The following THSD7B variants were observed in gnomAD, a reference collection of about 807,000 sequenced individuals.
THSD7B encodes the protein thrombospondin type 1 domain containing 7B, also known as thrombospondin type-1 domain-containing protein 7B.
Under a neutral mutation model 213.6 loss-of-function variants are expected in THSD7B, and 138 were observed. That is an observed-to-expected ratio of 0.65 (90% confidence interval 0.56 to 0.74). THSD7B has a LOEUF of 0.74. Ranked by LOEUF, THSD7B falls within the 30% of genes least tolerant of loss-of-function variation. The probability of loss-of-function intolerance (pLI) is 0.00; values close to 1 mark genes in which losing one functional copy is unlikely to be tolerated. For synonymous variants in THSD7B, 742 were observed against 687.0 expected, an observed-to-expected ratio of 1.08 and a Z score of -1.25; for missense variants, 1,931 against 1,991.5, an observed-to-expected ratio of 0.97 and a Z score of 0.58.
chr2:137,013,666 C>A (rs1235281909), intron 2 of THSD7B, among the ~76,000 whole-genome samples: 3 of 152,092 alleles, frequency 2.0e-5, no homozygotes, highest in African/African-American at 7.2e-5. Context: ...GCACAGAATT[C>A]CCTTTTGGGG....
rs144965626 is a variant in THSD7B at position 136,920,133 on chromosome 2, C to T, written c.139+37816C>T. On this transcript the variant is annotated intron_variant, in intron 2 of 27. Coordinates refer to ENST00000409968, the MANE Select transcript of THSD7B (RefSeq NM_001316349.2). ...TTTCAGCCCTGTTTATGTTACAGCTCTTTCAGTCCTGCCATTCAGCAGGTT... is the reference window on the plus strand; with the variant it reads ...TTTCAGCCCTGTTTATGTTACAGCTTTTTCAGTCCTGCCATTCAGCAGGTT... Among the ~76,000 whole-genome samples the T allele has an allele frequency of 7.2e-5, 11 of 152,370 alleles. No individual in the cohort carries two copies. In the East Asian group the frequency reaches 1.9e-3, roughly 27 times the overall value.
intron 7 of THSD7B, among the ~76,000 whole-genome samples, chr2:137,213,294 T>A (rs966418355): frequency 6.7e-6 from 1 of 149,822 alleles, no homozygotes; most frequent in Non-Finnish European, 1.5e-5. Flanking sequence ...TTGCCAACTT[T>A]CTCCCTCCAT....
intron 15 of THSD7B, among the ~76,000 whole-genome samples, chr2:137,505,465 C>T (rs1319081542): frequency 6.6e-6 from 1 of 152,112 alleles, no homozygotes; most frequent in Admixed American, 6.5e-5. Context: ...CATTGCTGTT[C>T]CATTCACTGG....
intron 3 of THSD7B, among the ~76,000 whole-genome samples, chr2:137,081,762 C>A (rs917298096): frequency 1.3e-5 from 2 of 152,002 alleles, no homozygotes; most frequent in African/African-American, 4.8e-5. Context: ...GCAGTTTTAC[C>A]TGAAGGTAGT....
intron 5 of THSD7B, among the ~76,000 whole-genome samples, chr2:137,159,433 A>T (rs1679970192): frequency 6.6e-6 from 1 of 151,132 alleles, no homozygotes; most frequent in African/African-American, 2.4e-5. Context: ...GTCTCAAAAA[A>T]AAATTAATTA....
chr2:137,674,322 C>T (rs1367296854), intron 27 of THSD7B, among the ~76,000 whole-genome samples: 1 of 143,064 alleles, frequency 7.0e-6, no homozygotes, highest in Non-Finnish European at 1.6e-5. Context: ...AAAAAGAAAA[C>T]CAAGAGAGGT....
At chr2:136,916,895 G>A (rs989281644) in intron 2 of THSD7B, among the ~76,000 whole-genome samples, 2 of 152,134 alleles carry the variant, frequency 1.3e-5, no homozygotes, top group Admixed American at 1.3e-4. Context: ...TTTAGTCTTG[G>A]CATTGAACTT....
intron 2 of THSD7B, among the ~76,000 whole-genome samples, chr2:136,898,649 T>TC (rs1283043200): frequency 7.0e-6 from 1 of 142,506 alleles, no homozygotes; most frequent in African/African-American, 2.6e-5. Context: ...ACTGAGACTT[T>TC]TTTTTTTTTT....
At chr2:137,484,533 C>T (rs1688384565) in intron 15 of THSD7B, among the ~76,000 whole-genome samples, 2 of 79,642 alleles carry the variant, frequency 2.5e-5, no homozygotes, top group Non-Finnish European at 5.0e-5. Context: ...TGGGTATATA[C>T]CCAGTAATGG....
intron 12 of THSD7B, among the ~76,000 whole-genome samples, chr2:137,288,051 T>C (rs756346336): frequency 7.9e-5 from 12 of 152,168 alleles, no homozygotes; most frequent in African/African-American, 2.9e-4. Context: ...CGTCTGTTTA[T>C]GTCAGGTGCC....
At chr2:136,914,536 G>A (rs1195693806) in intron 2 of THSD7B, among the ~76,000 whole-genome samples, 3 of 152,214 alleles carry the variant, frequency 2.0e-5, no homozygotes, top group Admixed American at 6.5e-5. Context: ...CCCACATTTT[G>A]TGGGAGAGAC....
chr2:137,410,648 T>C (rs1686633639), intron 13 of THSD7B, among the ~76,000 whole-genome samples: 1 of 152,138 alleles, frequency 6.6e-6, no homozygotes, highest in South Asian at 2.1e-4. Flanking sequence ...TCTAGAATTG[T>C]ATGTAATGCA....
At position 136,765,686 on chromosome 2, in the gene THSD7B, G is replaced by T. The variant is rs1458028157; in HGVS notation, c.-37G>T. On this transcript the variant is annotated splice_region_variant and 5_prime_UTR_variant, in exon 1 of 28. Transcript: ENST00000409968. The stretch of plus-strand genomic sequence containing the variant: ...GTTACGGCGGCGGCTCTGGCGAGAC[G>T]GGTGAGTGCAAGCACGCGGAGCCCC... 6.6e-6 allele frequency: 1 copy of T among 152,256 alleles called. No homozygotes were observed. The highest frequency in any genetic ancestry group is 1.5e-5 in the Non-Finnish European group (1 of 68,092). 9.4% of individuals were successfully genotyped at this position (152,256 alleles called of 1,614,324 possible).
intron 5 of THSD7B, among the ~76,000 whole-genome samples, chr2:137,142,306 A>C (rs985671281): frequency 6.6e-6 from 1 of 151,948 alleles, no homozygotes; most frequent in African/African-American, 2.4e-5. Flanking sequence ...GGGCAAACCC[A>C]CTCCCTAGAT....
chr2:137,318,698 C>T (rs1048219756), intron 12 of THSD7B, among the ~76,000 whole-genome samples: 17 of 150,730 alleles, frequency 1.1e-4, no homozygotes, highest in Non-Finnish European at 1.5e-5. Context: ...ACTTTTGTCT[C>T]TATACTTAAG....
At chr2:137,502,702 C>T (rs1280140305) in intron 15 of THSD7B, among the ~76,000 whole-genome samples, 3 of 152,132 alleles carry the variant, frequency 2.0e-5, no homozygotes, top group African/African-American at 7.2e-5. Flanking sequence ...GAGATAGTCC[C>T]CACTTTGATT....
intron 2 of THSD7B, among the ~76,000 whole-genome samples, chr2:137,003,339 T>G (rs1434883594): frequency 6.6e-6 from 1 of 152,194 alleles, no homozygotes; most frequent in South Asian, 2.1e-4. Context: ...AGAAAAGGTG[T>G]GATTAACTGC....
chr2:137,148,148 A>G (rs1013354578), intron 5 of THSD7B, among the ~76,000 whole-genome samples: 7 of 152,056 alleles, frequency 4.6e-5, no homozygotes, highest in South Asian at 2.1e-4. Context: ...TGAGTGAGTT[A>G]TCATGAGATC....
chr2:137,466,598 T>C (rs1201755815), intron 15 of THSD7B, among the ~76,000 whole-genome samples: 1 of 152,122 alleles, frequency 6.6e-6, no homozygotes, highest in Non-Finnish European at 1.5e-5. Context: ...AGCCAAAAGA[T>C]TGGACACGCC....
Sources: gnomAD v4.1 joint callset for allele counts (sites outside exome capture counted in the v4.1 genomes callset) on GRCh38, gnomAD v4.1.1 for gene constraint, MANE v1.5 for transcripts, NCBI Gene and HGNC (gene_info 2026-07-23, HGNC 2026-07-21) for gene names.